Variants in KAZN observed in about 807,000 individuals in gnomAD.
The protein encoded by KAZN is kazrin.
Under a neutral mutation model 87.4 loss-of-function variants are expected in KAZN, and 40 were observed. The observed-to-expected ratio is 0.46, with a 90% CI of 0.36 to 0.60. The LOEUF (loss-of-function observed/expected upper bound fraction) is 0.60, where lower values mean the gene tolerates loss of function less well. KAZN is among the 20% of genes least tolerant of loss of function. The pLI, the probability that KAZN is intolerant of heterozygous loss-of-function variation, is 0.00. For missense variants in KAZN, 898 were observed against 1,073.9 expected, an observed-to-expected ratio of 0.84 and a Z score of 2.29; for synonymous variants, 466 against 458.3, an observed-to-expected ratio of 1.02 and a Z score of -0.22.
intron 2 of KAZN, among the ~76,000 whole-genome samples, chr1:14,465,361 T>C (rs1336665728): frequency 1.5e-5 from 2 of 130,096 alleles, no homozygotes; most frequent in Non-Finnish European, 3.1e-5. Flanking sequence ...ATTGTGCCAC[T>C]GCACTCCAGC....
chr1:14,893,565 G>A (rs961401399), intron 1 of KAZN, among the ~76,000 whole-genome samples: 9 of 151,540 alleles, frequency 5.9e-5, no homozygotes, highest in African/African-American at 2.2e-4. Context: ...CCCTAACCTT[G>A]ACTGATGGCC....
At chr1:14,917,345 G>C (rs960511573) in intron 1 of KAZN, among the ~76,000 whole-genome samples, 2 of 152,210 alleles carry the variant, frequency 1.3e-5, no homozygotes, top group Non-Finnish European at 2.9e-5. Context: ...CATCCCTGCT[G>C]GTGGCCTCAG....
chr1:14,161,760 A>G (rs1283996728), intron 1 of KAZN, among the ~76,000 whole-genome samples: 1 of 152,190 alleles, frequency 6.6e-6, no homozygotes, highest in East Asian at 1.9e-4. Context: ...CAAATGTAAA[A>G]TATACTCCTT....
At chr1:14,973,331 A>T (rs1665273550) in intron 2 of KAZN, among the ~76,000 whole-genome samples, 1 of 152,240 alleles carries the variant, frequency 6.6e-6, no homozygotes, top group African/African-American at 2.4e-5. Flanking sequence ...TCCTAAGGAA[A>T]CTGAACACTC....
At chr1:14,245,136 T>C (rs1345299748) in intron 2 of KAZN, among the ~76,000 whole-genome samples, 1 of 151,918 alleles carries the variant, frequency 6.6e-6, no homozygotes, top group African/African-American at 2.4e-5. Context: ...GATTTTTGTA[T>C]ATTTTTTTAC....
At chr1:14,306,134 T>C (rs1434523283) in intron 2 of KAZN, among the ~76,000 whole-genome samples, 2 of 152,190 alleles carry the variant, frequency 1.3e-5, no homozygotes, top group Admixed American at 1.3e-4. Context: ...GTTAATGGAA[T>C]GTGTTGTCGC....
At chr1:14,455,925 G>C (rs2148340014) in intron 2 of KAZN, among the ~76,000 whole-genome samples, 1 of 152,302 alleles carries the variant, frequency 6.6e-6, no homozygotes, top group East Asian at 1.9e-4. Flanking sequence ...ATAGCACTCA[G>C]TGAATTATTG....
chr1:15,006,194 C>A (rs761887124), intron 2 of KAZN, among the ~76,000 whole-genome samples: 6 of 152,242 alleles, frequency 3.9e-5, no homozygotes, highest in Non-Finnish European at 8.8e-5. Context: ...ACTTTTGCAT[C>A]CAGTATCTTG....
intron 2 of KAZN, among the ~76,000 whole-genome samples, chr1:14,234,348 G>C (rs1648173817): frequency 7.0e-6 from 1 of 143,146 alleles, no homozygotes; most frequent in Admixed American, 7.3e-5. Flanking sequence ...AGTGGGAGTT[G>C]AACAATGAGA....
At chr1:14,666,118 C>T (rs963131770) in intron 1 of KAZN, among the ~76,000 whole-genome samples, 2 of 151,880 alleles carry the variant, frequency 1.3e-5, no homozygotes, top group Non-Finnish European at 2.9e-5. Context: ...AGAGGGTCTG[C>T]CGAAAGAATA....
In KAZN at chr1:15,060,354, CA is replaced by C. The variant is rs749107152; in HGVS notation, c.1047+53del. 1.2e-4 allele frequency: 191 copies of C among 1,608,860 alleles called. 1 individual carries two copies. In the African/African-American group the frequency reaches 2.3e-3, roughly 19 times the overall value. On this transcript the variant is annotated intron_variant, in intron 6 of 14. Transcript: ENST00000376030. ...GCCCCTGGGCCCTGCCCAGAAACTGCAGGGGCGGGGGTGGCGGGGTGAAGCC... is the reference window on the plus strand; with the variant it reads ...GCCCCTGGGCCCTGCCCAGAAACTGCGGGGCGGGGGTGGCGGGGTGAAGCC...
intron 2 of KAZN, among the ~76,000 whole-genome samples, chr1:14,426,836 A>G (rs1665758179): frequency 6.6e-6 from 1 of 151,730 alleles, no homozygotes; most frequent in Admixed American, 6.6e-5. Flanking sequence ...TGATCACACC[A>G]ACCCTGACTT....
chr1:14,260,882 G>A (rs1285112600), intron 2 of KAZN, among the ~76,000 whole-genome samples: 1 of 152,198 alleles, frequency 6.6e-6, no homozygotes, highest in African/African-American at 2.4e-5. Flanking sequence ...GTGAGGAGTT[G>A]GAATTGAAAT....
At chr1:14,390,364 C>T (rs1044086689) in intron 2 of KAZN, among the ~76,000 whole-genome samples, 1 of 152,102 alleles carries the variant, frequency 6.6e-6, no homozygotes, top group African/African-American at 2.4e-5. Flanking sequence ...AATATAAGTA[C>T]CTCCTTGGAA....
At chr1:14,372,481 T>C (rs1449630040) in intron 2 of KAZN, among the ~76,000 whole-genome samples, 1 of 152,182 alleles carries the variant, frequency 6.6e-6, no homozygotes, top group Non-Finnish European at 1.5e-5. Context: ...TTGCAGGATG[T>C]CCAGCAGCAT....
At chr1:14,016,925 C>G (rs372320248) in intron 1 of KAZN, among the ~76,000 whole-genome samples, 27 of 152,150 alleles carry the variant, frequency 1.8e-4, no homozygotes, top group African/African-American at 6.5e-4. Context: ...AATTCAGGAG[C>G]AGTTACCATG....
intron 2 of KAZN, among the ~76,000 whole-genome samples, chr1:14,271,316 G>A (rs948770216): frequency 6.6e-6 from 1 of 152,138 alleles, no homozygotes; most frequent in Non-Finnish European, 1.5e-5. Flanking sequence ...ATAAATTTTG[G>A]TAGCAGGTAA....
chr1:14,755,722 G>A (rs954884920), intron 1 of KAZN, among the ~76,000 whole-genome samples: 8 of 152,160 alleles, frequency 5.3e-5, no homozygotes, highest in African/African-American at 1.7e-4. Flanking sequence ...AGGGCTCCAC[G>A]GGGTCCCTCT....
At chr1:14,371,448 T>C (rs1348284473) in intron 2 of KAZN, among the ~76,000 whole-genome samples, 3 of 152,110 alleles carry the variant, frequency 2.0e-5, no homozygotes, top group Admixed American at 6.5e-5. Flanking sequence ...TTGAAAATGA[T>C]GTGTGAATGG....
Sources: allele counts gnomAD v4.1 joint callset (sites outside exome capture counted in the v4.1 genomes callset), GRCh38; gene constraint gnomAD v4.1.1; transcripts MANE v1.5; gene names NCBI Gene and HGNC (gene_info 2026-07-23, HGNC 2026-07-21).